The following MAEA variants were observed in gnomAD, a reference collection of about 807,000 sequenced individuals.
MAEA encodes the protein E3 ubiquitin-protein transferase MAEA.
MAEA carries 22 observed loss-of-function variants against 46.2 expected under a neutral mutation model. The observed-to-expected ratio is 0.48, with a 90% CI of 0.34 to 0.68. The LOEUF (loss-of-function observed/expected upper bound fraction) is 0.68, where lower values mean the gene tolerates loss of function less well. Ranked by LOEUF, MAEA falls within the 30% of genes least tolerant of loss-of-function variation. The probability of loss-of-function intolerance (pLI) is 0.01; values close to 1 mark genes in which losing one functional copy is unlikely to be tolerated. For synonymous variants in MAEA, 246 were observed against 222.6 expected (o/e 1.11, Z -0.94); for missense variants, 393 against 558.1 (o/e 0.70, Z 2.98).
Position 1,315,447 on chromosome 4 carries a change from C to G in MAEA, c.303C>G (p.Arg101=). 1 of 1,613,902 alleles carries G rather than the reference C, an allele frequency of 6.2e-7. No individual in the cohort carries two copies. The highest frequency in any genetic ancestry group is 8.5e-7 in the Non-Finnish European group (1 of 1,180,016). Residue 101 remains arginine, a synonymous_variant, in exon 3 of 9, where the codon CGC becomes CGG. Coordinates refer to ENST00000303400, the MANE Select transcript of MAEA (RefSeq NM_001017405.3). ...ACGAGAGCGCCAAGCTGTGCAAGCG[C>G]CGGATCGAGCACCTCAAAGAGCATA... ...AEDESAKLCK[R]RIEHLKEHSS... is the part of the protein sequence containing the mutation.
At chr4:1,315,750 A>AC in intron 3 of MAEA, 150 bp downstream of exon 3, 1 of 309,076 alleles carries the variant, frequency 3.2e-6, no homozygotes, top group Non-Finnish European at 5.7e-6. Flanking sequence ...CCCTCCCCCC[A>AC]CCCCCGTGTG....
rs1436067227 is a variant in MAEA at position 1,315,581 on chromosome 4, C to T, written c.437C>T (p.Ala146Val). 15 of 1,613,118 alleles carry T rather than the reference C, an allele frequency of 9.3e-6. No individual in the cohort carries two copies. Among genetic ancestry groups the T allele is most frequent in the East Asian group, 4.5e-5 (2 of 44,874 alleles). ...TACTACAACACGGCTGTCAAGCTGG[C>T]GCGCCAGAGCGGCATCGAGGTGGGT... The part of the protein sequence containing the change: ...CGYYNTAVKL[A>V]RQSGIEDLVN... The change falls in exon 3 of 9, where the codon GCG (alanine) becomes GTG (valine). Residue 146 changes from alanine (A) to valine (V), a missense_variant. Ala to Val is a moderately conservative substitution (Grantham distance 64, BLOSUM62 0). Transcript: ENST00000303400.
At chr4:1,324,262 G>GA (rs1738521066) in intron 4 of MAEA, among the ~76,000 whole-genome samples, 2 of 148,056 alleles carry the variant, frequency 1.4e-5, no homozygotes, top group African/African-American at 2.5e-5. Flanking sequence ...GGTGTTGGAT[G>GA]AGTTGAGATT....
chr4:1,297,886 T>G, intron 1 of MAEA: 2 of 421,628 alleles, frequency 4.7e-6, no homozygotes, highest in South Asian at 3.3e-5. Flanking sequence ...TTGCGTTTCC[T>G]TTCTCCCTTG....
chr4:1,318,975 G>A (rs1197337856), intron 3 of MAEA, among the ~76,000 whole-genome samples: 1 of 152,118 alleles, frequency 6.6e-6, no homozygotes, highest in African/African-American at 2.4e-5. Flanking sequence ...CACAGGAACA[G>A]GACAGGAAGC....
At chr4:1,326,611 A>C (rs1319044073) in intron 4 of MAEA, among the ~76,000 whole-genome samples, 1 of 152,100 alleles carries the variant, frequency 6.6e-6, no homozygotes, top group East Asian at 1.9e-4. Context: ...TTGGTCCTGC[A>C]GGAGCTTCCC....
chr4:1,310,757 G>A (rs907661305), intron 1 of MAEA, among the ~76,000 whole-genome samples: 7 of 152,228 alleles, frequency 4.6e-5, no homozygotes, highest in Non-Finnish European at 8.8e-5. Flanking sequence ...GGGCCAGGCC[G>A]AGTGGGGAGT....
chr4:1,309,390 C>A, intron 1 of MAEA: 1 of 1,247,002 alleles, frequency 8.0e-7, no homozygotes, highest in Non-Finnish European at 1.0e-6. Context: ...GCTTTTAGGG[C>A]CCGGAGTCAC....
At chr4:1,316,113 C>G (rs6815464) in intron 3 of MAEA, among the ~76,000 whole-genome samples, 14,078 of 152,056 alleles carry the variant, frequency 0.093, 1,338 homozygotes, top group East Asian at 0.42. Flanking sequence ...CCGGGTTTTG[C>G]GCTGACACAT....
chr4:1,325,709 T>C (rs1738724841), intron 4 of MAEA, among the ~76,000 whole-genome samples: 1 of 151,700 alleles, frequency 6.6e-6, no homozygotes, highest in Admixed American at 6.6e-5. Flanking sequence ...CTCTTCCCGC[T>C]GGCCCTTCCC....
At position 1,318,725 on chromosome 4, in the gene MAEA, G is replaced by A. The variant is rs535163997; in HGVS notation, c.456+3125G>A. 2.0e-4 allele frequency among the ~76,000 whole-genome samples: 30 copies of A among 152,276 alleles called. 1 individual carries two copies. In the East Asian group the frequency reaches 2.5e-3, roughly 13 times the overall value. ...GCCAGGTTGTGGAAATGTAAACCCCGGCTGCGCTGGTCAGACCTGGACTTC... is the reference window on the plus strand; with the variant it reads ...GCCAGGTTGTGGAAATGTAAACCCCAGCTGCGCTGGTCAGACCTGGACTTC... On this transcript the variant is annotated intron_variant, in intron 3 of 8. Transcript: ENST00000303400.
intron 2 of MAEA, among the ~76,000 whole-genome samples, chr4:1,312,932 G>A (rs574238255): frequency 6.6e-6 from 1 of 152,322 alleles, no homozygotes; most frequent in East Asian, 1.9e-4. Flanking sequence ...CCGGAGGGCA[G>A]GGGTCAGAGG....
At chr4:1,337,298 A>C in intron 7 of MAEA, 1 of 377,564 alleles carries the variant, frequency 2.6e-6, no homozygotes, top group Non-Finnish European at 4.8e-6. Context: ...GCAGATTACC[A>C]TTCAGAATAG....
At chr4:1,325,111 G>C (rs923755039) in intron 4 of MAEA, among the ~76,000 whole-genome samples, 5 of 152,172 alleles carry the variant, frequency 3.3e-5, no homozygotes, top group African/African-American at 1.2e-4. Context: ...ACATGTGCAC[G>C]CACGCCAGGG....
In MAEA at chr4:1,322,943, C is replaced by CCTTTTTTTTTTTTTTTTTTTTTTT. The variant is rs1560368750; in HGVS notation, c.579+440_579+441insCTTTTTTTTTTTTTTTTTTTTTTT. Among the ~76,000 whole-genome samples the CCTTTTTTTTTTTTTTTTTTTTTTT allele has an allele frequency of 8.0e-5, 6 of 75,246 alleles. 3 individuals carry two copies. 49.4% of individuals were successfully genotyped at this position (75,246 alleles called of 152,430 possible). A position where few individuals can be genotyped will look rare whatever the true frequency, so the allele number is the denominator to read the frequency against. On this transcript the variant is annotated intron_variant, in intron 4 of 8. Transcript: ENST00000303400. ...CTGTGATATTGTTAATGAATACCCA[C>CCTTTTTTTTTTTTTTTTTTTTTTT]TTTTTTTTTTTTTTTTTTTTTTTTT...
At chr4:1,337,230 T>G (rs1243602795) in intron 7 of MAEA, 6 of 552,338 alleles carry the variant, frequency 1.1e-5, no homozygotes, top group Non-Finnish European at 1.9e-5. Flanking sequence ...TCTCATCATC[T>G]CAGAGGCCGC....
chr4:1,295,800 C>G, intron 1 of MAEA, among the ~76,000 whole-genome samples: 1 of 100,156 alleles, frequency 1.0e-5, no homozygotes, highest in East Asian at 3.7e-4. Context: ...CCCCCCTCCC[C>G]AGCGCCTGTG....
intron 1 of MAEA, among the ~76,000 whole-genome samples, chr4:1,302,486 G>GT (rs921101733): frequency 6.6e-6 from 1 of 152,146 alleles, no homozygotes; most frequent in Non-Finnish European, 1.5e-5. Context: ...AAGAAAACTT[G>GT]TTTTTTTGAG....
intron 1 of MAEA, among the ~76,000 whole-genome samples, chr4:1,308,297 G>A (rs1230178105): frequency 1.3e-5 from 2 of 152,156 alleles, no homozygotes; most frequent in African/African-American, 4.8e-5. Context: ...TCACCTGCAC[G>A]GTCTGTTGTT....
Sources: allele counts gnomAD v4.1 joint callset (sites outside exome capture counted in the v4.1 genomes callset), GRCh38; gene constraint gnomAD v4.1.1; transcripts MANE v1.5; gene names NCBI Gene and HGNC (gene_info 2026-07-23, HGNC 2026-07-21).